The following METTL15 variants were observed in gnomAD, a reference collection of about 807,000 sequenced individuals.
The protein encoded by METTL15 is methyltransferase 15, mitochondrial 12S rRNA N4-cytidine, also known as 12S rRNA N(4)-cytidine methyltransferase METTL15.
A neutral mutation model predicts 38.3 loss-of-function variants in METTL15; 34 were observed. The observed-to-expected ratio is 0.89, with a 90% CI of 0.68 to 1.18. METTL15 has a LOEUF of 1.18. Ranked by LOEUF, METTL15 falls within the 50% of genes most tolerant of loss-of-function variation. The probability of loss-of-function intolerance (pLI) is 0.00; values close to 1 mark genes in which losing one functional copy is unlikely to be tolerated. For synonymous variants in METTL15, 162 were observed against 170.9 expected (o/e 0.95, Z 0.41); for missense variants, 438 against 498.4 (o/e 0.88, Z 1.15).
At chr11:28,355,683 G>A (rs891236232) in intron 4 of METTL15, among the ~76,000 whole-genome samples, 2 of 152,060 alleles carry the variant, frequency 1.3e-5, no homozygotes, top group Non-Finnish European at 2.9e-5. Context: ...AGGAAGATTT[G>A]CATAAGTTAT....
chr11:28,333,176 G>A lies in METTL15; in HGVS notation c.*2335G>A, dbSNP rs1270604228. The A allele has an allele frequency of 6.6e-6, 1 of 151,690 alleles. No individual in the cohort carries two copies. The highest frequency in any genetic ancestry group is 1.5e-5 in the Non-Finnish European group (1 of 67,984). The allele number at this position is 151,690 out of a possible 1,614,324, so 9.4% of individuals were successfully genotyped here. A position where few individuals can be genotyped will look rare whatever the true frequency, so the allele number is the denominator to read the frequency against. ...GCTGTTTTAAGGTACCCAGTTCATG[G>A]TAATTTGTTACAGCAATCCTAGGAA... On this transcript the variant is annotated 3_prime_UTR_variant, in exon 7 of 7. Coordinates refer to ENST00000407364, the MANE Select transcript of METTL15 (RefSeq NM_001113528.2).
At chr11:28,216,536 CTATA>C (rs1189859761) in intron 4 of METTL15, among the ~76,000 whole-genome samples, 2 of 151,870 alleles carry the variant, frequency 1.3e-5, no homozygotes, top group Non-Finnish European at 2.9e-5. Context: ...ATTGGAGAGA[CTATA>C]TACACAATCT....
chr11:28,173,176 C>T (rs191057667), intron 3 of METTL15, among the ~76,000 whole-genome samples: 1 of 152,044 alleles, frequency 6.6e-6, no homozygotes, highest in Admixed American at 6.6e-5. Context: ...TACAGAGTTC[C>T]CTAAGCTATA....
At chr11:28,408,682 A>T (rs529191962) in intron 5 of METTL15, among the ~76,000 whole-genome samples, 1 of 152,322 alleles carries the variant, frequency 6.6e-6, no homozygotes, top group African/African-American at 2.4e-5. Flanking sequence ...AAGCCCATGT[A>T]ATATTTTACT....
At chr11:28,211,525 G>T (rs983043205) in intron 4 of METTL15, among the ~76,000 whole-genome samples, 8 of 152,026 alleles carry the variant, frequency 5.3e-5, no homozygotes, top group African/African-American at 1.7e-4. Context: ...ACATTTTTAT[G>T]AGTTTATTTC....
At chr11:28,145,734 GAGTT>G (rs1483786649) in intron 3 of METTL15, 2 of 151,952 alleles carry the variant, frequency 1.3e-5, no homozygotes, top group African/African-American at 2.4e-5. Context: ...TTAATAAACT[GAGTT>G]AGATAAACTG....
At chr11:28,174,608 A>T (rs964712802) in intron 3 of METTL15, among the ~76,000 whole-genome samples, 13 of 151,572 alleles carry the variant, frequency 8.6e-5, no homozygotes, top group African/African-American at 3.1e-4. Flanking sequence ...AGGTCAGGAG[A>T]TTGAGACCAT....
chr11:28,384,234 ATGTC>A (rs1439814236), intron 5 of METTL15, among the ~76,000 whole-genome samples: 1 of 151,934 alleles, frequency 6.6e-6, no homozygotes, highest in Non-Finnish European at 1.5e-5. Context: ...GGTTGATTCA[ATGTC>A]TTTGCTGTTG....
At chr11:28,379,340 T>C (rs1419105998) in intron 5 of METTL15, among the ~76,000 whole-genome samples, 21 of 152,118 alleles carry the variant, frequency 1.4e-4, no homozygotes, top group Admixed American at 1.4e-3. Flanking sequence ...GATATAGGTG[T>C]TTATTGCTAT....
downstream of METTL15, among the ~76,000 whole-genome samples, chr11:28,528,731 G>A (rs894411688): frequency 2.6e-5 from 4 of 152,184 alleles, no homozygotes; most frequent in Non-Finnish European, 4.4e-5. Flanking sequence ...TGTGGTATGT[G>A]TGTTTGTATC....
chr11:28,394,597 T>C (rs1425162938), intron 5 of METTL15, among the ~76,000 whole-genome samples: 3 of 152,092 alleles, frequency 2.0e-5, no homozygotes, highest in African/African-American at 7.2e-5. Context: ...CAAATCTTCC[T>C]CTGCTGGGAG....
chr11:28,468,157 C>G (rs1851273405), intron 6 of METTL15, among the ~76,000 whole-genome samples: 1 of 152,200 alleles, frequency 6.6e-6, no homozygotes, highest in South Asian at 2.1e-4. Context: ...GCCCCGGACT[C>G]TAATTGGCTC....
At chr11:28,339,667 G>T in intron 3 of METTL15, among the ~76,000 whole-genome samples, 1 of 152,072 alleles carries the variant, frequency 6.6e-6, no homozygotes, top group Admixed American at 6.6e-5. Context: ...TGGAGAGAAA[G>T]TGACAGAATT....
intron 6 of METTL15, among the ~76,000 whole-genome samples, chr11:28,520,288 G>A (rs979345282): frequency 8.5e-5 from 13 of 152,048 alleles, no homozygotes; most frequent in South Asian, 2.1e-4. Context: ...GCAGTGAGCC[G>A]TGATCCAAGC....
rs368083726 is a variant in METTL15 at position 28,152,829 on chromosome 11, T to C, written c.270+39225T>C. ...GCAGAGCAGCCCTAAGGGCTGCAGT[T>C]TGGCTATTTTTATTGTTATTTCTAG... On this transcript the variant is annotated intron_variant, in intron 3 of 6. Coordinates refer to ENST00000407364, the MANE Select transcript of METTL15 (RefSeq NM_001113528.2). 1.2e-4 allele frequency among the ~76,000 whole-genome samples: 18 copies of C among 152,116 alleles called. No homozygotes were observed. In the South Asian group the frequency reaches 3.7e-3, roughly 32 times the overall value.
At chr11:28,286,122 T>C (rs1447213223) in intron 4 of METTL15, among the ~76,000 whole-genome samples, 1 of 152,150 alleles carries the variant, frequency 6.6e-6, no homozygotes, top group South Asian at 2.1e-4. Flanking sequence ...GTCTGACATA[T>C]GTGAAATCTG....
intron 5 of METTL15, among the ~76,000 whole-genome samples, chr11:28,399,420 G>T (rs560663532): frequency 6.6e-6 from 1 of 152,078 alleles, no homozygotes; most frequent in South Asian, 2.1e-4. Context: ...TAGGGAAAAT[G>T]AAACTCTCCT....
At chr11:28,477,612 A>G (rs540099740) in intron 6 of METTL15, 48 of 152,292 alleles carry the variant, frequency 3.2e-4, no homozygotes, top group African/African-American at 1.1e-3. Flanking sequence ...CTCATCCAAT[A>G]TAAGGATTTC....
intron 4 of METTL15, among the ~76,000 whole-genome samples, chr11:28,360,052 C>T (rs11030292): frequency 0.098 from 14,887 of 152,114 alleles, 1,113 homozygotes; most frequent in East Asian, 0.36. Context: ...TTCTTGAAAT[C>T]ATAGAGCTGG....
Sources: allele counts gnomAD v4.1 joint callset (sites outside exome capture counted in the v4.1 genomes callset), GRCh38; gene constraint gnomAD v4.1.1; transcripts MANE v1.5; gene names NCBI Gene and HGNC (gene_info 2026-07-23, HGNC 2026-07-21).